The following DNAH5 variants were observed in gnomAD, a reference collection of about 807,000 sequenced individuals.
DNAH5 encodes axonemal beta dynein heavy chain 5.
Under a neutral mutation model 518.2 loss-of-function variants are expected in DNAH5, and 372 were observed. That is an observed-to-expected ratio of 0.72 (90% confidence interval 0.66 to 0.78). The LOEUF is 0.78. Among genes scored for constraint, DNAH5 ranks in the 30% least tolerant of loss-of-function variants. The pLI is 0.00. For synonymous variants in DNAH5, 2,039 were observed against 2,025.9 expected (o/e 1.01, Z -0.17); for missense variants, 5,523 against 5,687.0 (o/e 0.97, Z 0.93).
intron 2 of DNAH5, among the ~76,000 whole-genome samples, chr5:13,930,539 C>T (rs116124251): frequency 0.012 from 1,830 of 152,260 alleles, 38 homozygotes; most frequent in African/African-American, 0.041. Flanking sequence ...CATAGGGCTG[C>T]TTATGTGCTT....
Position 13,952,161 on chromosome 5 carries a change from A to G in DNAH5, c.13-20917T>C, listed in dbSNP as rs551115129. On this transcript the variant is annotated intron_variant, in intron 1 of 78. Coordinates refer to the DNAH5 transcript ENST00000681290. ...CTAGAGGGATCTCCCAACTTGGGAT[A>G]GCTTGACGTTTATCACAAATAAAAA... Among the ~76,000 whole-genome samples, 68 of 152,152 alleles carry G rather than the reference A, an allele frequency of 4.5e-4. 1 individual carries two copies. In the South Asian group the frequency reaches 0.013, roughly 29 times the overall value.
intron 1 of DNAH5, among the ~76,000 whole-genome samples, chr5:13,994,619 T>C (rs1250405974): frequency 1.3e-5 from 2 of 152,180 alleles, no homozygotes; most frequent in Admixed American, 1.3e-4. Flanking sequence ...TCTTCAGTAG[T>C]ATTGCTAGAA....
intron 74 of DNAH5, among the ~76,000 whole-genome samples, chr5:13,715,068 C>A (rs1352293608): frequency 6.6e-6 from 1 of 152,042 alleles, no homozygotes; most frequent in East Asian, 1.9e-4. Flanking sequence ...GGGAGTCATA[C>A]CCACCCAGGG....
intron 65 of DNAH5, among the ~76,000 whole-genome samples, chr5:13,746,113 T>A (rs1328718298): frequency 6.6e-6 from 1 of 152,168 alleles, no homozygotes; most frequent in Non-Finnish European, 1.5e-5. Flanking sequence ...TATTTCTTTT[T>A]ATTCTTAGAA....
rs745864857 is a variant in DNAH5 at position 13,859,447 on chromosome 5, A to G, written c.4950+5T>C. 2 of 1,614,082 alleles carry G rather than the reference A, an allele frequency of 1.2e-6. No individual in the cohort carries two copies. The highest frequency in any genetic ancestry group is 1.7e-6 in the Non-Finnish European group (2 of 1,179,928). ...CTGATGAAATCATAAAGAAGATTAC[A>G]AAACCTTGGGCAGCTGCTTGGCAAT... On this transcript the variant is annotated splice_donor_5th_base_variant and intron_variant, in intron 30 of 78. Transcript: ENST00000265104.
At chr5:13,739,285 A>AG (rs2126632456) in intron 65 of DNAH5, among the ~76,000 whole-genome samples, 1 of 152,270 alleles carries the variant, frequency 6.6e-6, no homozygotes, top group South Asian at 2.1e-4. Context: ...TGGGGTCATG[A>AG]GGGCAGTTTC....
At chr5:13,811,451 T>C (rs1222494159) in intron 44 of DNAH5, among the ~76,000 whole-genome samples, 196 bp downstream of exon 44, 2 of 152,188 alleles carry the variant, frequency 1.3e-5, no homozygotes, top group Admixed American at 1.3e-4. Context: ...GTTAAAGGGA[T>C]ATGAAAAAAT....
chr5:13,714,276 A>G, intron 75 of DNAH5, 129 bp downstream of exon 75: 1 of 975,960 alleles, frequency 1.0e-6, no homozygotes, highest in Non-Finnish European at 1.6e-6. Context: ...TTCTTTAAGA[A>G]GCTGGTTTTT....
At chr5:14,002,686 C>T (rs75685253) in intron 1 of DNAH5, among the ~76,000 whole-genome samples, 3,944 of 152,124 alleles carry the variant, frequency 0.026, 128 homozygotes, top group East Asian at 0.19. Flanking sequence ...TTTTGTTTAG[C>T]AGATCAAAAG....
At chr5:13,713,430 TCG>T (rs1320070855) in intron 75 of DNAH5, among the ~76,000 whole-genome samples, 6 of 76,774 alleles carry the variant, frequency 7.8e-5, no homozygotes, top group African/African-American at 2.2e-4. Flanking sequence ...TATATATACA[TCG>T]ACATATATAT....
At chr5:14,003,811 G>A (rs1024173226) in intron 1 of DNAH5, among the ~76,000 whole-genome samples, 25 of 152,230 alleles carry the variant, frequency 1.6e-4, no homozygotes, top group Admixed American at 1.6e-3. Context: ...CCACTGCCCT[G>A]AGGCCACCCT....
chr5:13,750,186 A>C (rs1407745898), intron 65 of DNAH5, among the ~76,000 whole-genome samples: 1 of 152,202 alleles, frequency 6.6e-6, no homozygotes, highest in Non-Finnish European at 1.5e-5. Context: ...CAGACCCCAA[A>C]GACTTTGCTG....
intron 29 of DNAH5, chr5:13,860,344 T>C (rs1367608642): frequency 6.6e-6 from 1 of 152,350 alleles, no homozygotes; most frequent in Non-Finnish European, 1.5e-5. Flanking sequence ...ACATCAACAG[T>C]GCTTAATTTA....
At chr5:13,778,582 GAAAGAAAGAA>G (rs1396463318) in intron 53 of DNAH5, among the ~76,000 whole-genome samples, 22 of 77,014 alleles carry the variant, frequency 2.9e-4, no homozygotes, top group African/African-American at 4.3e-4. Flanking sequence ...AAGAAAGAAA[GAAAGAAAGAA>G]AGAAAGAGAG....
chr5:13,727,732 T>C, intron 69 of DNAH5, 76 bp from the exon 70 acceptor site: 1 of 1,517,702 alleles, frequency 6.6e-7, no homozygotes, highest in Admixed American at 1.7e-5. Context: ...ATATGTTTCA[T>C]CAAACCTCTG....
chr5:13,878,210 T>C (rs1327939955), intron 21 of DNAH5, among the ~76,000 whole-genome samples: 1 of 152,142 alleles, frequency 6.6e-6, no homozygotes, highest in Middle Eastern at 3.2e-3. Flanking sequence ...GTGCCCCAAC[T>C]TCTGCAGCCA....
intron 1 of DNAH5, among the ~76,000 whole-genome samples, chr5:13,990,431 T>C (rs1311862495): frequency 6.6e-6 from 1 of 152,074 alleles, no homozygotes; most frequent in Non-Finnish European, 1.5e-5. Context: ...CGGGCGCCTA[T>C]AGTCCCAGCT....
intron 68 of DNAH5, among the ~76,000 whole-genome samples, chr5:13,731,306 A>T (rs1746513590): frequency 6.6e-6 from 1 of 152,230 alleles, no homozygotes; most frequent in Non-Finnish European, 1.5e-5. Context: ...GTGTTGAATA[A>T]AATTTTGCAC....
chr5:13,766,066 C>G lies in DNAH5; in HGVS notation c.10011G>C (p.Val3337=). The G allele has an allele frequency of 6.2e-7, 1 of 1,614,180 alleles. No individual in the cohort carries two copies. The change falls in exon 59 of 79, where the codon GTG becomes GTC. Residue 3337 remains valine (V), a synonymous_variant. Transcript: ENST00000265104. ...LLLFQRKVSA[V]KIDLEKSCTM... is the part of the protein sequence containing the mutation. ...TACAGCTTTTTTCCAGGTCAATTTT[C>G]ACAGCACTGACTTTCCTTTGAAACA...
Sources: gnomAD v4.1 joint callset for allele counts (sites outside exome capture counted in the v4.1 genomes callset) on GRCh38, gnomAD v4.1.1 for gene constraint, MANE v1.5 for transcripts, NCBI Gene and HGNC (gene_info 2026-07-23, HGNC 2026-07-21) for gene names.